Variants in GPHN observed in about 807,000 individuals in gnomAD.
GPHN encodes the protein gephyrin.
Under a neutral mutation model 95.5 loss-of-function variants are expected in GPHN, and 17 were observed. The observed-to-expected ratio is 0.18, with a 90% CI of 0.12 to 0.27. The LOEUF is 0.27. GPHN is among the 10% of genes least tolerant of loss of function. The probability of loss-of-function intolerance (pLI) is 1.00; values close to 1 mark genes in which losing one functional copy is unlikely to be tolerated. For synonymous variants in GPHN, 320 were observed against 322.5 expected (o/e 0.99, Z 0.08); for missense variants, 660 against 978.1 (o/e 0.67, Z 4.34).
At chr14:67,654,949 AACC>A in the GPHN span, among the ~76,000 whole-genome samples, 17 of 149,412 alleles carry the variant, frequency 1.1e-4, no homozygotes, top group Middle Eastern at 3.5e-3. Flanking sequence ...GAATGGCATG[AACC>A]TGGGAGGCGG....
intron 1 of GPHN, among the ~76,000 whole-genome samples, chr14:66,613,949 C>T (rs987431591): frequency 1.3e-5 from 2 of 152,084 alleles, no homozygotes; most frequent in Non-Finnish European, 2.9e-5. Flanking sequence ...CATTGTAGCA[C>T]TCATTTGATT....
the GPHN span, among the ~76,000 whole-genome samples, chr14:67,670,428 C>T: frequency 6.6e-6 from 1 of 152,294 alleles, no homozygotes; most frequent in East Asian, 1.9e-4. Context: ...ATCTAGCAAA[C>T]TCCCATTCAA....
intron 10 of GPHN, among the ~76,000 whole-genome samples, chr14:67,041,454 G>A (rs973893165): frequency 1.3e-5 from 2 of 151,862 alleles, no homozygotes; most frequent in Non-Finnish European, 2.9e-5. Flanking sequence ...ACTTAGGAGT[G>A]AGAACATGTA....
the GPHN span, among the ~76,000 whole-genome samples, chr14:67,495,124 G>C: frequency 6.6e-6 from 1 of 152,130 alleles, no homozygotes; most frequent in Non-Finnish European, 1.5e-5. Context: ...TTAGGACAGG[G>C]GGTGGGGCCC....
chr14:66,774,768 T>A (rs1415051148), intron 2 of GPHN, among the ~76,000 whole-genome samples: 3 of 152,220 alleles, frequency 2.0e-5, no homozygotes, highest in Non-Finnish European at 2.9e-5. Flanking sequence ...CAAAGGTCCC[T>A]CCTTTGTACC....
intron 10 of GPHN, among the ~76,000 whole-genome samples, chr14:67,044,302 A>C (rs528843739): frequency 1.7e-4 from 26 of 152,052 alleles, no homozygotes; most frequent in Non-Finnish European, 3.7e-4. Context: ...GCACCACTGC[A>C]CTCCAGCCTG....
At chr14:67,353,144 T>C in the GPHN span, 3 of 834,000 alleles carry the variant, frequency 3.6e-6, no homozygotes, top group African/African-American at 3.5e-5. Flanking sequence ...TTTGATGTGA[T>C]GAAAGTGAGA....
At chr14:67,064,803 A>G (rs894070142) in intron 11 of GPHN, among the ~76,000 whole-genome samples, 2 of 151,744 alleles carry the variant, frequency 1.3e-5, no homozygotes, top group Non-Finnish European at 2.9e-5. Context: ...TTTTTATTGC[A>G]TCTATTTGGT....
At chr14:66,983,541 A>C (rs1012424784) in intron 9 of GPHN, among the ~76,000 whole-genome samples, 4 of 152,140 alleles carry the variant, frequency 2.6e-5, no homozygotes, top group African/African-American at 9.7e-5. Flanking sequence ...AATTGTAGCC[A>C]TTTCTGGCTT....
At chr14:66,641,333 G>T (rs2064396032) in intron 1 of GPHN, among the ~76,000 whole-genome samples, 1 of 152,002 alleles carries the variant, frequency 6.6e-6, no homozygotes, top group Non-Finnish European at 1.5e-5. Context: ...CAGTCATGAG[G>T]GTAAATAACC....
intron 1 of GPHN, among the ~76,000 whole-genome samples, chr14:66,611,934 C>A (rs978378406): frequency 6.6e-6 from 1 of 152,044 alleles, no homozygotes; most frequent in East Asian, 1.9e-4. Flanking sequence ...AGAATAATTC[C>A]CCATTGACTA....
chr14:67,473,813 C>T, the GPHN span: 2 of 1,613,798 alleles, frequency 1.2e-6, no homozygotes, highest in Non-Finnish European at 1.7e-6. The surrounding 1 kb of genome is among the most constrained non-coding windows in gnomAD (Gnocchi z 6.5). Flanking sequence ...ACTTCCAGTT[C>T]AAGTTCACCA....
At chr14:67,552,296 A>G in the GPHN span, among the ~76,000 whole-genome samples, 1 of 152,254 alleles carries the variant, frequency 6.6e-6, no homozygotes, top group African/African-American at 2.4e-5. Context: ...CTATAGCACC[A>G]GCTTTGCAGA....
At chr14:66,641,980 A>G (rs1375952211) in intron 1 of GPHN, among the ~76,000 whole-genome samples, 2 of 152,160 alleles carry the variant, frequency 1.3e-5, no homozygotes, top group East Asian at 1.9e-4. Context: ...GAGAGTACCA[A>G]TTGTCATCAT....
the GPHN span, among the ~76,000 whole-genome samples, chr14:67,367,340 C>T: frequency 6.6e-6 from 1 of 152,328 alleles, no homozygotes; most frequent in East Asian, 1.9e-4. Context: ...AAGCAATTCT[C>T]CTGTCTCAGC....
At chr14:67,592,318 T>C in the GPHN span, 1 of 436,268 alleles carries the variant, frequency 2.3e-6, no homozygotes, top group Non-Finnish European at 4.2e-6. Flanking sequence ...TGCACACCTG[T>C]AGTCCCAAGT....
intron 4 of GPHN, among the ~76,000 whole-genome samples, chr14:66,879,613 C>T (rs563823980): frequency 6.6e-6 from 1 of 152,142 alleles, no homozygotes; most frequent in South Asian, 2.1e-4. Context: ...GGTGAGAAAT[C>T]TACTAAGTTG....
chr14:67,254,030 C>CG, the GPHN span, among the ~76,000 whole-genome samples: 12 of 139,702 alleles, frequency 8.6e-5, no homozygotes, highest in African/African-American at 2.7e-4. Flanking sequence ...ATTCATCCCC[C>CG]CCCCCTTACA....
At chr14:67,515,727 G>A in the GPHN span, among the ~76,000 whole-genome samples, 1 of 152,238 alleles carries the variant, frequency 6.6e-6, no homozygotes, top group Admixed American at 6.5e-5. Context: ...GCTTGTAGTT[G>A]TGGGGACCAG....
Sources: gnomAD v4.1 joint callset for allele counts (sites outside exome capture counted in the v4.1 genomes callset) on GRCh38, gnomAD v4.1.1 for gene constraint, Gnocchi (gnomAD v3.1) non-coding constraint, MANE v1.5 for transcripts, NCBI Gene and HGNC (gene_info 2026-07-23, HGNC 2026-07-21) for gene names.